Variants in AUTS2 observed in about 807,000 individuals in gnomAD.
AUTS2 encodes the protein activator of transcription and developmental regulator AUTS2, also known as autism susceptibility gene 2 protein.
In AUTS2, 17 loss-of-function variants were observed where a neutral mutation model predicts 112.4. The ratio of observed to expected loss-of-function variants is 0.15; its 90% CI spans 0.10 to 0.23. The LOEUF (loss-of-function observed/expected upper bound fraction) is 0.23, where lower values mean the gene tolerates loss of function less well. AUTS2 is among the 10% of genes least tolerant of loss of function. AUTS2 has a pLI of 1.00. For synonymous variants in AUTS2, 751 were observed against 702.7 expected (o/e 1.07, Z -1.09); for missense variants, 1,510 against 1,701.6 (o/e 0.89, Z 1.98).
At chr7:69,783,094 T>C (rs1270648455) in intron 1 of AUTS2, among the ~76,000 whole-genome samples, 2 of 121,284 alleles carry the variant, frequency 1.6e-5, no homozygotes, top group South Asian at 2.5e-4. Context: ...TCATCTTTTT[T>C]TTTTTTTTTT....
intron 1 of AUTS2, among the ~76,000 whole-genome samples, chr7:69,857,660 A>G (rs755797348): frequency 5.7e-4 from 86 of 152,130 alleles, no homozygotes; most frequent in Non-Finnish European, 1.6e-4. Context: ...GTTTCTCAAT[A>G]GTTGGAATTA....
chr7:70,283,288 T>C (rs1048803602), intron 4 of AUTS2, among the ~76,000 whole-genome samples: 12 of 152,198 alleles, frequency 7.9e-5, no homozygotes, highest in Non-Finnish European at 1.8e-4. Flanking sequence ...ATTTAATACC[T>C]GATTTATCTG....
intron 1 of AUTS2, among the ~76,000 whole-genome samples, chr7:69,626,251 G>T (rs146565778): frequency 1.3e-5 from 2 of 152,160 alleles, no homozygotes; most frequent in Admixed American, 6.5e-5. Context: ...ACATTAACCT[G>T]AGCTTAATTG....
intron 4 of AUTS2, among the ~76,000 whole-genome samples, chr7:70,197,490 G>A (rs1031887241): frequency 1.5e-5 from 2 of 136,498 alleles, no homozygotes; most frequent in Non-Finnish European, 3.1e-5. Flanking sequence ...TGTGCGCACC[G>A]TGCGCGAGCC....
intron 2 of AUTS2, among the ~76,000 whole-genome samples, chr7:70,101,988 TTA>T (rs1804521447): frequency 6.6e-6 from 1 of 152,206 alleles, no homozygotes; most frequent in Non-Finnish European, 1.5e-5. Flanking sequence ...CACATTTATT[TTA>T]TATATTTTGT....
At chr7:70,725,356 T>G (rs1585577043) in intron 6 of AUTS2, among the ~76,000 whole-genome samples, 3 of 152,192 alleles carry the variant, frequency 2.0e-5, no homozygotes, top group Admixed American at 2.0e-4. Flanking sequence ...CAGCCCATTT[T>G]AAAAGGATGC....
In AUTS2 at chr7:69,668,238, T is replaced by G. The variant is rs539325593; in HGVS notation, c.309+68276T>G. ...AGTTTTTGTGGTTCTGTTTTGCTACTTGGTTTTGATACATGTAGGTAGTGT... is the reference window on the plus strand; with the variant it reads ...AGTTTTTGTGGTTCTGTTTTGCTACGTGGTTTTGATACATGTAGGTAGTGT... On this transcript the variant is annotated intron_variant, in intron 1 of 18. Transcript: ENST00000342771. Among the ~76,000 whole-genome samples, 9 of 152,362 alleles carry G rather than the reference T, an allele frequency of 5.9e-5. No homozygotes were observed. In the East Asian group the frequency reaches 1.5e-3, roughly 26 times the overall value.
chr7:69,809,090 T>C (rs1057459206), intron 1 of AUTS2, among the ~76,000 whole-genome samples: 24 of 151,686 alleles, frequency 1.6e-4, no homozygotes, highest in African/African-American at 4.8e-4. Flanking sequence ...TTTTTTTTTT[T>C]CTGAGATGGA....
At chr7:70,567,391 C>T (rs1346178892) in intron 5 of AUTS2, among the ~76,000 whole-genome samples, 1 of 152,170 alleles carries the variant, frequency 6.6e-6, no homozygotes, top group Non-Finnish European at 1.5e-5. Context: ...AAAAAATTTC[C>T]ATTGAGAGTG....
intron 6 of AUTS2, among the ~76,000 whole-genome samples, chr7:70,701,471 C>G (rs1809455281): frequency 6.6e-6 from 1 of 152,190 alleles, no homozygotes; most frequent in Admixed American, 6.5e-5. Context: ...GGGGTTGAAA[C>G]AGAGTGGATA....
chr7:70,430,670 A>G (rs1795618821), intron 4 of AUTS2, among the ~76,000 whole-genome samples: 1 of 152,172 alleles, frequency 6.6e-6, no homozygotes, highest in Admixed American at 6.5e-5. Flanking sequence ...GCAGAAAAGG[A>G]AGGGCCTTGA....
chr7:69,602,453 T>C (rs575489731), intron 1 of AUTS2, among the ~76,000 whole-genome samples: 1 of 152,144 alleles, frequency 6.6e-6, no homozygotes, highest in Non-Finnish European at 1.5e-5. Context: ...TAGAAAAAAT[T>C]AAACATACAG....
At chr7:69,919,055 T>C (rs1361784458) in intron 2 of AUTS2, among the ~76,000 whole-genome samples, 1 of 152,232 alleles carries the variant, frequency 6.6e-6, no homozygotes, top group Non-Finnish European at 1.5e-5. Context: ...TAAATTCTTG[T>C]AGCTTGGGTC....
chr7:70,231,482 G>A (rs1309381145), intron 4 of AUTS2, among the ~76,000 whole-genome samples: 14 of 151,804 alleles, frequency 9.2e-5, no homozygotes, highest in South Asian at 2.1e-4. Context: ...TCACTCTGTC[G>A]CCCAGGCTGG....
At chr7:69,771,111 TC>T (rs1788644662) in intron 1 of AUTS2, among the ~76,000 whole-genome samples, 1 of 152,176 alleles carries the variant, frequency 6.6e-6, no homozygotes, top group Admixed American at 6.5e-5. Flanking sequence ...GCCCTGTTAT[TC>T]CCCTGGCCAC....
At chr7:70,496,400 G>C (rs1310873041) in intron 5 of AUTS2, among the ~76,000 whole-genome samples, 1 of 58,136 alleles carries the variant, frequency 1.7e-5, no homozygotes, top group Non-Finnish European at 3.3e-5. Flanking sequence ...CACGTACACA[G>C]TCACACACAC....
chr7:70,540,622 C>T (rs1225099628), intron 5 of AUTS2, among the ~76,000 whole-genome samples: 2 of 152,112 alleles, frequency 1.3e-5, no homozygotes, highest in Non-Finnish European at 1.5e-5. Flanking sequence ...GGGTTTCCAT[C>T]GATTCATGGT....
At position 69,803,782 on chromosome 7, in the gene AUTS2, C is replaced by A. The variant is rs569921788; in HGVS notation, c.310-95504C>A. 1.6e-3 allele frequency among the ~76,000 whole-genome samples: 241 copies of A among 152,298 alleles called. 1 individual carries two copies. Among genetic ancestry groups the A allele is most frequent in the African/African-American group, 5.6e-3 (232 of 41,558 alleles). On this transcript the variant is annotated intron_variant, in intron 1 of 18. Coordinates refer to ENST00000342771, the MANE Select transcript of AUTS2 (RefSeq NM_015570.4). Reference sequence around the variant, plus strand: ...TGGTGGCTTTTGCCTGTAATCCCAGCACTTTGGGAGGCCAAGGCAGGAGGA... The same window carrying A: ...TGGTGGCTTTTGCCTGTAATCCCAGAACTTTGGGAGGCCAAGGCAGGAGGA...
chr7:70,414,991 G>C (rs1436110813), intron 4 of AUTS2, among the ~76,000 whole-genome samples: 1 of 152,190 alleles, frequency 6.6e-6, no homozygotes, highest in Non-Finnish European at 1.5e-5. Context: ...GGACTGGGTT[G>C]ATGTCATCAT....
Sources: gnomAD v4.1 joint callset for allele counts (sites outside exome capture counted in the v4.1 genomes callset) on GRCh38, gnomAD v4.1.1 for gene constraint, MANE v1.5 for transcripts, NCBI Gene and HGNC (gene_info 2026-07-23, HGNC 2026-07-21) for gene names.